Variants in FBN2 observed in about 807,000 individuals in gnomAD.
FBN2 encodes fibrillin-2.
FBN2 carries 105 observed loss-of-function variants against 355.6 expected under a neutral mutation model. The ratio of observed to expected loss-of-function variants is 0.30; its 90% CI spans 0.25 to 0.35. The LOEUF is 0.35. Among genes scored for constraint, FBN2 ranks in the 10% least tolerant of loss-of-function variants. FBN2 has a pLI of 1.00. For synonymous variants in FBN2, 1,350 were observed against 1,301.2 expected (o/e 1.04, Z -0.81); for missense variants, 3,280 against 3,758.7 (o/e 0.87, Z 3.33).
At chr5:128,295,984 A>G (rs2126827247) in intron 48 of FBN2, among the ~76,000 whole-genome samples, 1 of 150,796 alleles carries the variant, frequency 6.6e-6, no homozygotes, top group East Asian at 1.9e-4. Flanking sequence ...TGTCATAGAT[A>G]GCTCTTACTA....
chr5:128,416,025 A>C (rs1279212693), intron 7 of FBN2, among the ~76,000 whole-genome samples: 3 of 138,916 alleles, frequency 2.2e-5, no homozygotes, highest in Admixed American at 7.1e-5. Context: ...CATAGTTTGC[A>C]CTTTTTTTTT....
At chr5:128,405,338 A>G (rs1752897682) in intron 8 of FBN2, among the ~76,000 whole-genome samples, 1 of 152,136 alleles carries the variant, frequency 6.6e-6, no homozygotes, top group South Asian at 2.1e-4. Context: ...TTGTACAACA[A>G]TGAGGGAAAT....
At chr5:128,535,930 G>A (rs1448486394) in intron 2 of FBN2, among the ~76,000 whole-genome samples, 2 of 152,032 alleles carry the variant, frequency 1.3e-5, no homozygotes, top group Non-Finnish European at 2.9e-5. Flanking sequence ...AGGTTATGTG[G>A]TTGTTGATAT....
At chr5:128,531,659 T>C (rs1404584510) in intron 2 of FBN2, among the ~76,000 whole-genome samples, 2 of 151,576 alleles carry the variant, frequency 1.3e-5, no homozygotes, top group Admixed American at 6.6e-5. Flanking sequence ...AAAATACATA[T>C]ATATGTGTGC....
intron 55 of FBN2, among the ~76,000 whole-genome samples, chr5:128,282,236 T>C (rs1437832651): frequency 6.6e-6 from 1 of 152,176 alleles, no homozygotes; most frequent in Admixed American, 6.5e-5. Context: ...AAATTCACCA[T>C]GATGTGCCTC....
At chr5:128,303,936 T>C (rs1203116117) in intron 45 of FBN2, among the ~76,000 whole-genome samples, 1 of 152,166 alleles carries the variant, frequency 6.6e-6, no homozygotes, top group Non-Finnish European at 1.5e-5. Context: ...AGATCCTGTA[T>C]ATTCCTTTGT....
At chr5:128,428,468 A>ATACCTCAGGGGTGCCTC (rs1170587425) in intron 7 of FBN2, among the ~76,000 whole-genome samples, 1 of 152,036 alleles carries the variant, frequency 6.6e-6, no homozygotes, top group African/African-American at 2.4e-5. Context: ...CGTCCCCTAG[A>ATACCTCAGGGGTGCCTC]TACCTCAGGG....
rs564351585 is a variant in FBN2, at chr5:128,427,220, G to A, written c.953-18421C>T. Among the ~76,000 whole-genome samples, 14 of 152,212 alleles carry A rather than the reference G, an allele frequency of 9.2e-5. No homozygotes were observed. The South Asian group carries it at 2.9e-3, about 32-fold the overall frequency. ...TGCCCCACCAAGCATGGAAATAAAAGATAATCTTGAGTTCCTTCGAGAGAA... is the reference window on the plus strand; with the variant it reads ...TGCCCCACCAAGCATGGAAATAAAAAATAATCTTGAGTTCCTTCGAGAGAA... On this transcript the variant is annotated intron_variant, in intron 7 of 64. Transcript: ENST00000262464.
intron 34 of FBN2, chr5:128,328,104 T>C (rs567515447): frequency 6.0e-6 from 1 of 167,808 alleles, no homozygotes; most frequent in South Asian, 1.5e-4. Flanking sequence ...GAGTTTCTAA[T>C]TTAATAGAAA....
chr5:128,528,170 C>G (rs1756613801), intron 3 of FBN2, among the ~76,000 whole-genome samples: 1 of 151,996 alleles, frequency 6.6e-6, no homozygotes, highest in Non-Finnish European at 1.5e-5. Context: ...ACATGTTTTT[C>G]AGGATGCATT....
intron 8 of FBN2, among the ~76,000 whole-genome samples, chr5:128,399,059 G>A (rs1752725538): frequency 1.3e-5 from 2 of 152,162 alleles, no homozygotes; most frequent in African/African-American, 4.8e-5. Flanking sequence ...TGTAATAAGA[G>A]TACTAGGAAG....
rs111644147 is a variant in FBN2 at position 128,519,399 on chromosome 5, T to C, written c.533-31A>G. The C allele has an allele frequency of 4.9e-4, 761 of 1,547,646 alleles. 6 individuals are homozygous for C. In the African/African-American group the frequency reaches 8.6e-3, roughly 17 times the overall value. ...TACAAAAATAGCAAGAAGCTCATTA[T>C]ATAGCCAGTCTCCAAGCACAATATA... is the stretch of plus-strand genomic sequence containing the variant. On this transcript the variant is annotated intron_variant, in intron 4 of 64. Transcript: ENST00000262464.
chr5:128,406,777 A>G (rs993495908), intron 8 of FBN2, among the ~76,000 whole-genome samples: 4 of 152,202 alleles, frequency 2.6e-5, no homozygotes, highest in African/African-American at 9.7e-5. Flanking sequence ...GGAATGTTCC[A>G]TCTAATATTT....
chr5:128,531,400 G>A (rs541070994), intron 2 of FBN2, among the ~76,000 whole-genome samples: 27 of 152,064 alleles, frequency 1.8e-4, no homozygotes, highest in African/African-American at 6.3e-4. Context: ...TGGACTTTGG[G>A]GACTTGGAGG....
At chr5:128,508,484 C>A (rs1756023282) in intron 5 of FBN2, among the ~76,000 whole-genome samples, 1 of 151,930 alleles carries the variant, frequency 6.6e-6, no homozygotes, top group African/African-American at 2.4e-5. Flanking sequence ...CTTCAAGTAA[C>A]ATAATTCTTG....
chr5:128,358,287 A>G (rs1363514425), intron 19 of FBN2, among the ~76,000 whole-genome samples: 2 of 152,156 alleles, frequency 1.3e-5, no homozygotes, highest in Admixed American at 1.3e-4. Flanking sequence ...AAAGTGGTAC[A>G]CTTTAAAGAA....
chr5:128,410,267 T>C (rs1753030219), intron 7 of FBN2, among the ~76,000 whole-genome samples: 1 of 152,208 alleles, frequency 6.6e-6, no homozygotes, highest in Non-Finnish European at 1.5e-5. Context: ...TTAGGTCCTG[T>C]TGCATCCTGT....
chr5:128,368,738 T>C (rs1290441968), intron 16 of FBN2, among the ~76,000 whole-genome samples: 1 of 151,998 alleles, frequency 6.6e-6, no homozygotes, highest in African/African-American at 2.4e-5. Flanking sequence ...GGCACAGTGA[T>C]GGCTCACTGC....
chr5:128,287,992 C>T (rs934481592), intron 53 of FBN2, among the ~76,000 whole-genome samples: 48 of 152,304 alleles, frequency 3.2e-4, no homozygotes, highest in African/African-American at 1.2e-3. Flanking sequence ...GACAGATGAG[C>T]CACCGCCCTT....
Sources: allele counts gnomAD v4.1 joint callset (sites outside exome capture counted in the v4.1 genomes callset), GRCh38; gene constraint gnomAD v4.1.1; transcripts MANE v1.5; gene names NCBI Gene and HGNC (gene_info 2026-07-23, HGNC 2026-07-21).